SNAPC3: variants seen among roughly 807,000 people sequenced by gnomAD.
SNAPC3 encodes the protein small nuclear RNA activating complex polypeptide 3, also known as snRNA-activating protein complex subunit 3.
Under a neutral mutation model 47.7 loss-of-function variants are expected in SNAPC3, and 56 were observed. The observed-to-expected ratio is 1.18, with a 90% CI of 0.95 to 1.47. The LOEUF is 1.47. Among genes scored for constraint, SNAPC3 ranks in the 40% most tolerant of loss-of-function variants. The pLI is 0.00. For missense variants in SNAPC3, 665 were observed against 511.3 expected, an observed-to-expected ratio of 1.30 and a Z score of -2.90; for synonymous variants, 235 against 189.9, an observed-to-expected ratio of 1.24 and a Z score of -1.95.
At chr9:15,432,061 A>T (rs2032232616) in intron 2 of SNAPC3, 1 of 152,162 alleles carries the variant, frequency 6.6e-6, no homozygotes, top group Non-Finnish European at 1.5e-5. Flanking sequence ...AGTGTTTCTC[A>T]CAGGGGTATA....
intron 3 of SNAPC3, among the ~76,000 whole-genome samples, chr9:15,438,679 A>G (rs1428570671): frequency 2.0e-5 from 3 of 152,126 alleles, no homozygotes; most frequent in Non-Finnish European, 2.9e-5. Flanking sequence ...TGAATTTTCC[A>G]ATTTTTCTCC....
intron 5 of SNAPC3, 121 bp downstream of exon 5, chr9:15,447,365 C>CTAG (rs1267068154): frequency 4.8e-6 from 4 of 841,216 alleles, no homozygotes; most frequent in Non-Finnish European, 7.8e-6. Context: ...TTCCATCAAA[C>CTAG]TACACTATCT....
downstream of SNAPC3, chr9:15,464,115 G>A (rs1233679363): frequency 5.5e-6 from 1 of 180,982 alleles, no homozygotes; most frequent in African/African-American, 2.4e-5. Flanking sequence ...TTGAACTTAT[G>A]GCTTAACTAG....
chr9:15,453,884 G>C (rs2034576221), intron 7 of SNAPC3, among the ~76,000 whole-genome samples: 1 of 152,150 alleles, frequency 6.6e-6, no homozygotes, highest in African/African-American at 2.4e-5. Context: ...ACCTGTGTTT[G>C]ACCAGTAATT....
intron 6 of SNAPC3, among the ~76,000 whole-genome samples, chr9:15,452,045 C>T (rs1292700720): frequency 2.0e-5 from 3 of 152,166 alleles, no homozygotes; most frequent in Admixed American, 6.5e-5. Context: ...CTCACTGCAG[C>T]CTCTGCCTCC....
At chr9:15,430,496 A>G (rs1454886619) in intron 2 of SNAPC3, among the ~76,000 whole-genome samples, 4 of 152,182 alleles carry the variant, frequency 2.6e-5, no homozygotes, top group Non-Finnish European at 5.9e-5. Context: ...GTAAGTGAAA[A>G]GAAAATACTA....
At chr9:15,435,713 G>A (rs1260691092) in intron 3 of SNAPC3, among the ~76,000 whole-genome samples, 5 of 148,722 alleles carry the variant, frequency 3.4e-5, no homozygotes, top group African/African-American at 1.3e-4. Flanking sequence ...TGGGCAACAG[G>A]AGTGAAACTC....
intron 3 of SNAPC3, among the ~76,000 whole-genome samples, chr9:15,441,383 C>CTTTTTTTTTTTT (rs77103785): frequency 2.4e-4 from 14 of 59,564 alleles, no homozygotes; most frequent in African/African-American, 4.9e-4. Flanking sequence ...GTTCCCTTTT[C>CTTTTTTTTTTTT]TTTTTTTTTT....
intron 3 of SNAPC3, among the ~76,000 whole-genome samples, chr9:15,436,848 A>C (rs529184423): frequency 3.7e-4 from 49 of 134,056 alleles, no homozygotes; most frequent in Admixed American, 3.3e-3. Context: ...TTTGAGACGA[A>C]GTTTTGCTCT....
chr9:15,447,071 A>C, intron 4 of SNAPC3, 24 bp from the exon 5 acceptor site: 1 of 1,606,256 alleles, frequency 6.2e-7, no homozygotes, highest in South Asian at 1.1e-5. Flanking sequence ...CTAAATGAAC[A>C]CTTATTTATT....
rs1347770281 is a variant in SNAPC3 at position 15,460,873 on chromosome 9, T to A, written c.*1007T>A. The A allele has an allele frequency of 6.6e-6, 1 of 152,208 alleles. No individual in the cohort carries two copies. The highest frequency in any genetic ancestry group is 2.4e-5 in the African/African-American group (1 of 41,452). 9.4% of individuals were successfully genotyped at this position (152,208 alleles called of 1,614,324 possible). On this transcript the variant is annotated 3_prime_UTR_variant, in exon 9 of 9. Transcript: ENST00000380821. ...AAGCTTTATTTCTTGACAAAAGCTT[T>A]ATGAATGTTATGAGTTTAAAATATG... is the stretch of plus-strand genomic sequence containing the variant.
intron 3 of SNAPC3, among the ~76,000 whole-genome samples, chr9:15,434,525 A>G (rs2032557508): frequency 6.6e-6 from 1 of 150,922 alleles, no homozygotes; most frequent in African/African-American, 2.4e-5. Context: ...CTCCTGCCTC[A>G]GCCTTTTAAG....
intron 5 of SNAPC3, among the ~76,000 whole-genome samples, chr9:15,449,232 C>G (rs2034177908): frequency 6.6e-6 from 1 of 151,922 alleles, no homozygotes; most frequent in Admixed American, 6.6e-5. Flanking sequence ...CTGAATTTAC[C>G]CTCTTCACTC....
intron 3 of SNAPC3, 115 bp downstream of exon 3, chr9:15,433,751 C>G (rs944704891): frequency 1.2e-5 from 7 of 596,744 alleles, no homozygotes; most frequent in Admixed American, 3.3e-5. Context: ...TAGTTGAAAA[C>G]AAACTAGAGA....
intron 3 of SNAPC3, among the ~76,000 whole-genome samples, chr9:15,441,383 CTTTTTTTTTTTT>C (rs77103785): frequency 1.7e-5 from 1 of 59,572 alleles, no homozygotes; most frequent in Non-Finnish European, 3.1e-5. Flanking sequence ...GTTCCCTTTT[CTTTTTTTTTTTT>C]TTTTTTTTTT....
downstream of SNAPC3, chr9:15,464,522 AC>A (rs1359520058): frequency 5.0e-6 from 1 of 200,974 alleles, no homozygotes; most frequent in Non-Finnish European, 1.0e-5. Context: ...TGCTGGAACA[AC>A]TAGTGTTTGT....
intron 2 of SNAPC3, among the ~76,000 whole-genome samples, chr9:15,430,043 T>G (rs1342251414): frequency 6.6e-6 from 1 of 152,180 alleles, no homozygotes; most frequent in Non-Finnish European, 1.5e-5. Context: ...TACATAAAAT[T>G]TGCTCCCTGC....
chr9:15,448,008 AT>A (rs1481302962), intron 5 of SNAPC3, among the ~76,000 whole-genome samples: 4 of 152,166 alleles, frequency 2.6e-5, no homozygotes, highest in Admixed American at 2.6e-4. Context: ...TCCCTTCCAC[AT>A]TTCATCATAG....
intron 7 of SNAPC3, among the ~76,000 whole-genome samples, chr9:15,456,523 A>C (rs534731381): frequency 6.6e-6 from 1 of 151,962 alleles, no homozygotes; most frequent in South Asian, 2.1e-4. Context: ...GTTGGAGTGC[A>C]GTGGCAAAAT....
Sources: gnomAD v4.1 joint callset for allele counts (sites outside exome capture counted in the v4.1 genomes callset) on GRCh38, gnomAD v4.1.1 for gene constraint, MANE v1.5 for transcripts, NCBI Gene and HGNC (gene_info 2026-07-23, HGNC 2026-07-21) for gene names.